RGPD2: variants seen among roughly 807,000 people sequenced by gnomAD.
RGPD2 encodes RANBP2 like and GRIP domain containing 2.
In RGPD2, 2 loss-of-function variants were observed where a neutral mutation model predicts 36.0. The observed-to-expected ratio is 0.06, with a 90% confidence interval of 0.02 to 0.17. The LOEUF is 0.17. Among genes scored for constraint, RGPD2 ranks in the 10% least tolerant of loss-of-function variants. The probability of loss-of-function intolerance (pLI) is 1.00; values close to 1 mark genes in which losing one functional copy is unlikely to be tolerated. For missense variants in RGPD2, 40 were observed against 464.3 expected (o/e 0.09, Z 8.40); for synonymous variants, 19 against 163.8 (o/e 0.12, Z 6.75).
the RGPD2 span, chr2:87,989,604 G>A: frequency 2.1e-6 from 1 of 475,308 alleles, no homozygotes; most frequent in East Asian, 3.8e-5. Flanking sequence ...CATGAGAAAT[G>A]TTTGTTGTCA....
At chr2:87,911,419 C>T in the RGPD2 span, among the ~76,000 whole-genome samples, 1 of 149,516 alleles carries the variant, frequency 6.7e-6, no homozygotes. Flanking sequence ...GTCAAAAATG[C>T]ATGTACCGGT....
the RGPD2 span, among the ~76,000 whole-genome samples, chr2:87,842,289 A>G: frequency 2.0e-5 from 3 of 147,364 alleles, no homozygotes; most frequent in Non-Finnish European, 4.4e-5. Context: ...TGCAGATGAC[A>G]TGACTGTATA....
At chr2:87,769,545 A>C (rs973402942) in intron 22 of RGPD2, among the ~76,000 whole-genome samples, 1 of 150,536 alleles carries the variant, frequency 6.6e-6, no homozygotes, top group African/African-American at 2.4e-5. Flanking sequence ...AGTCTCTTTT[A>C]GAACTTCTAA....
rs1289001588 is a variant in RGPD2, at chr2:87,756,459, C to T, written c.*933G>A. Reference sequence around the variant, plus strand: ...TATGTAACATGTATCCATGTATCATCATTAAGTGATCTCATTTTATATTGT... The same window carrying T: ...TATGTAACATGTATCCATGTATCATTATTAAGTGATCTCATTTTATATTGT... On this transcript the variant is annotated 3_prime_UTR_variant, in exon 23 of 23. Coordinates refer to ENST00000398146, the MANE Select transcript of RGPD2 (RefSeq NM_001078170.3). The T allele has an allele frequency of 3.8e-6, 1 of 262,604 alleles. No individual in the cohort carries two copies. The highest frequency in any genetic ancestry group is 7.5e-6 in the Non-Finnish European group (1 of 133,838). The allele number at this position is 262,604 out of a possible 1,614,324, so 16.3% of individuals were successfully genotyped here. A position where few individuals can be genotyped will look rare whatever the true frequency, so the allele number is the denominator to read the frequency against.
chr2:87,928,976 A>C, the RGPD2 span, among the ~76,000 whole-genome samples: 1 of 151,814 alleles, frequency 6.6e-6, no homozygotes, highest in African/African-American at 2.4e-5. Context: ...TAGTTTGCAG[A>C]TATTTTCTCC....
the RGPD2 span, chr2:87,989,706 C>T: frequency 0.016 from 15,576 of 968,494 alleles, 1,052 homozygotes; most frequent in Admixed American, 0.15. Context: ...TAGGGTGACT[C>T]TGTTATGGAC....
chr2:87,962,027 CAA>C, the RGPD2 span, among the ~76,000 whole-genome samples: 3,890 of 108,248 alleles, frequency 0.036, 113 homozygotes, highest in African/African-American at 0.11. Context: ...ACACTTGTCT[CAA>C]AAAAAAAAAA....
chr2:87,971,593 T>C, the RGPD2 span, among the ~76,000 whole-genome samples: 1 of 146,150 alleles, frequency 6.8e-6, no homozygotes, highest in South Asian at 2.2e-4. Flanking sequence ...CTAGGATCTT[T>C]ATTTTCATAC....
upstream of RGPD2, among the ~76,000 whole-genome samples, chr2:87,829,488 A>G (rs1423570105): frequency 2.0e-5 from 3 of 152,106 alleles, no homozygotes; most frequent in Non-Finnish European, 2.9e-5. Context: ...CCTGAGACAC[A>G]GTAATTTAAA....
the RGPD2 span, among the ~76,000 whole-genome samples, chr2:87,842,089 C>T: frequency 3.3e-5 from 5 of 151,914 alleles, no homozygotes; most frequent in East Asian, 9.7e-4. Context: ...TATGACAAAC[C>T]CACAGCCAAT....
the RGPD2 span, among the ~76,000 whole-genome samples, chr2:87,951,320 A>C: frequency 1.3e-5 from 2 of 151,556 alleles, no homozygotes; most frequent in Non-Finnish European, 2.9e-5. Flanking sequence ...CATGCGTACC[A>C]ACTCCAAAAC....
the RGPD2 span, among the ~76,000 whole-genome samples, chr2:87,920,383 C>G: frequency 2.0e-5 from 3 of 150,676 alleles, no homozygotes; most frequent in Admixed American, 6.6e-5. Flanking sequence ...GCTATGATAG[C>G]ATCTAATATT....
chr2:87,880,191 A>C, the RGPD2 span, among the ~76,000 whole-genome samples: 1 of 151,286 alleles, frequency 6.6e-6, no homozygotes, highest in Admixed American at 6.6e-5. Flanking sequence ...AGTTTGAGTT[A>C]ATTGTACATT....
At chr2:87,963,907 C>T in the RGPD2 span, among the ~76,000 whole-genome samples, 7 of 138,670 alleles carry the variant, frequency 5.0e-5, no homozygotes, top group Non-Finnish European at 1.1e-4. Context: ...GCAATCTCGG[C>T]TCATTGCAAC....
the RGPD2 span, among the ~76,000 whole-genome samples, chr2:87,873,296 A>G: frequency 6.9e-6 from 1 of 144,244 alleles, no homozygotes; most frequent in Non-Finnish European, 1.5e-5. Context: ...TAGTGCTACA[A>G]TGAACATATG....
At chr2:87,971,893 T>C in the RGPD2 span, among the ~76,000 whole-genome samples, 1 of 152,010 alleles carries the variant, frequency 6.6e-6, no homozygotes, top group Non-Finnish European at 1.5e-5. Flanking sequence ...GTTAGTCACT[T>C]AATGACTACT....
At chr2:87,921,393 G>A in the RGPD2 span, among the ~76,000 whole-genome samples, 6 of 152,214 alleles carry the variant, frequency 3.9e-5, no homozygotes, top group East Asian at 1.9e-4. Flanking sequence ...AAGAATCTTC[G>A]TAGAATATCA....
the RGPD2 span, among the ~76,000 whole-genome samples, chr2:87,988,713 G>C: frequency 6.6e-6 from 1 of 151,078 alleles, no homozygotes; most frequent in Non-Finnish European, 1.5e-5. Context: ...GCTGATTTTT[G>C]TATTTTCAGT....
At chr2:87,965,544 TCTTA>T in the RGPD2 span, among the ~76,000 whole-genome samples, 8 of 152,250 alleles carry the variant, frequency 5.3e-5, no homozygotes, top group South Asian at 2.1e-4. Flanking sequence ...AGAATTCCTT[TCTTA>T]CTTACTTTTG....
Sources: gnomAD v4.1 joint callset for allele counts (sites outside exome capture counted in the v4.1 genomes callset) on GRCh38, gnomAD v4.1.1 for gene constraint, MANE v1.5 for transcripts, NCBI Gene and HGNC (gene_info 2026-07-23, HGNC 2026-07-21) for gene names.